TET2: variants seen among roughly 807,000 people sequenced by gnomAD.
TET2 encodes the protein tet methylcytosine dioxygenase 2, also known as methylcytosine dioxygenase TET2.
A neutral mutation model predicts 142.9 loss-of-function variants in TET2; 299 were observed. The ratio of observed to expected loss-of-function variants is 2.09; its 90% CI spans 1.90 to 2.30. The LOEUF is 2.30. Ranked by LOEUF, TET2 falls within the 30% of genes most tolerant of loss-of-function variation. TET2 has a pLI of 0.00. For missense variants in TET2, 2,418 were observed against 2,378.0 expected, an observed-to-expected ratio of 1.02 and a Z score of -0.35; for synonymous variants, 819 against 849.0, an observed-to-expected ratio of 0.96 and a Z score of 0.61.
intron 2 of TET2, among the ~76,000 whole-genome samples, chr4:105,230,485 G>A (rs1391439): frequency 0.49 from 74,278 of 152,040 alleles, 19,474 homozygotes; most frequent in Non-Finnish European, 0.61. Context: ...CCACATGCTT[G>A]CCAAACATAG....
intron 2 of TET2, among the ~76,000 whole-genome samples, chr4:105,218,908 A>G (rs1161993105): frequency 6.6e-6 from 1 of 152,008 alleles, no homozygotes; most frequent in African/African-American, 2.4e-5. Context: ...AAAACATGCT[A>G]TATAATTTTA....
At chr4:105,242,521 G>A (rs1578689914) in intron 4 of TET2, 2 of 1,140,128 alleles carry the variant, frequency 1.8e-6, no homozygotes, top group South Asian at 7.6e-5. Context: ...TTAGAAGACT[G>A]AACTTAGCAA....
At chr4:105,272,541 G>A in intron 9 of TET2, 23 bp from the exon 10 acceptor site, 2 of 1,446,616 alleles carry the variant, frequency 1.4e-6, no homozygotes, top group East Asian at 2.5e-5. Flanking sequence ...AGTTGAGGCT[G>A]TAATGTCTTA....
At chr4:105,232,398 C>T (rs1463557726) in intron 2 of TET2, among the ~76,000 whole-genome samples, 1 of 152,154 alleles carries the variant, frequency 6.6e-6, no homozygotes, top group East Asian at 1.9e-4. Flanking sequence ...TGGGATTGCT[C>T]GGTCAGATGG....
intron 6 of TET2, among the ~76,000 whole-genome samples, chr4:105,256,569 T>C (rs905485466): frequency 1.3e-5 from 2 of 152,196 alleles, no homozygotes; most frequent in Non-Finnish European, 2.9e-5. Context: ...TTTATATGTA[T>C]GCATATCTTT....
At position 105,275,325 on chromosome 4, in the gene TET2, A is replaced by G; in HGVS notation, c.4815A>G (p.Ala1605=). 1.3e-6 allele frequency: 2 copies of G among 1,551,922 alleles called. No individual in the cohort carries two copies. Among genetic ancestry groups the G allele is most frequent in the African/African-American group, 1.4e-5 (1 of 73,176 alleles). ...MNFYSTSSQA[A]GSYLNSSNPM... The stretch of plus-strand genomic sequence containing the variant: ...TCTATTCCACCTCATCTCAAGCTGC[A>G]GGTTCATATTTGAATTCTTCTAATC... Residue 1605 remains alanine (A), a synonymous_variant, in exon 11 of 11, where the codon GCA becomes GCG. Coordinates refer to ENST00000380013, the MANE Select transcript of TET2 (RefSeq NM_001127208.3).
At chr4:105,229,880 A>G (rs1201505431) in intron 2 of TET2, among the ~76,000 whole-genome samples, 1 of 152,034 alleles carries the variant, frequency 6.6e-6, no homozygotes, top group Non-Finnish European at 1.5e-5. Context: ...ATCTGAAAAT[A>G]TAGAGATACT....
intron 4 of TET2, chr4:105,242,430 G>T (rs1186097032): frequency 1.8e-6 from 2 of 1,087,612 alleles, no homozygotes; most frequent in East Asian, 1.0e-4. Context: ...ATTCTTGGAG[G>T]AACAGTTCTA....
At chr4:105,195,338 CAG>C (rs1726021204) in intron 2 of TET2, among the ~76,000 whole-genome samples, 1 of 152,030 alleles carries the variant, frequency 6.6e-6, no homozygotes, top group Non-Finnish European at 1.5e-5. Flanking sequence ...TTAATCTGAC[CAG>C]ACATTTTTCT....
chr4:105,229,257 G>A (rs1171175517), intron 2 of TET2, among the ~76,000 whole-genome samples: 1 of 152,188 alleles, frequency 6.6e-6, no homozygotes, highest in Admixed American at 6.5e-5. Flanking sequence ...TGTATGGAAG[G>A]AAGTAAATCT....
chr4:105,219,561 G>T (rs1244910120), intron 2 of TET2, among the ~76,000 whole-genome samples: 1 of 152,054 alleles, frequency 6.6e-6, no homozygotes. Flanking sequence ...CATTAATATT[G>T]TAGAGTCCCC....
intron 2 of TET2, among the ~76,000 whole-genome samples, chr4:105,198,575 G>A (rs768839838): frequency 6.6e-6 from 1 of 152,142 alleles, no homozygotes; most frequent in Non-Finnish European, 1.5e-5. Flanking sequence ...GGAGAAAGAA[G>A]CAGTAGCCAG....
At chr4:105,146,407 C>T (rs1723017156), upstream of TET2, 1 of 152,536 alleles carries the variant, frequency 6.6e-6, no homozygotes, top group Non-Finnish European at 1.5e-5. Flanking sequence ...CACCCTTCCC[C>T]GCGCTCGCCA....
At chr4:105,196,214 C>T (rs1385667611) in intron 2 of TET2, among the ~76,000 whole-genome samples, 2 of 150,062 alleles carry the variant, frequency 1.3e-5, no homozygotes, top group Non-Finnish European at 3.0e-5. Context: ...TATGCCCATT[C>T]TTAAGTGCAA....
At chr4:105,241,271 T>C (rs34841746) in intron 3 of TET2, 68 bp from the exon 4 acceptor site, 1 of 1,461,234 alleles carries the variant, frequency 6.8e-7, no homozygotes, top group Non-Finnish European at 9.0e-7. Context: ...GGGTTAAGCT[T>C]TGTGGATGTA....
In TET2 at chr4:105,149,071, A is replaced by AT. The variant is rs1423526780; in HGVS notation, c.-193+2096dup. The stretch of plus-strand genomic sequence containing the variant: ...CCCTAAAATTAAAACAAAAATTAGG[A>AT]TTTTACCATTAATGCTGTTCATGGT... On this transcript the variant is annotated intron_variant, in intron 1 of 10. Coordinates refer to ENST00000380013, the MANE Select transcript of TET2 (RefSeq NM_001127208.3). Among the ~76,000 whole-genome samples the AT allele has an allele frequency of 3.3e-4, 50 of 152,282 alleles. 1 individual carries two copies. Among genetic ancestry groups the AT allele is most frequent in the African/African-American group, 1.2e-3 (49 of 41,550 alleles).
chr4:105,236,453 T>TA lies in TET2; in HGVS notation c.2512dup (p.Thr838AsnfsTer8). The TA allele has an allele frequency of 6.2e-7, 1 of 1,614,052 alleles. No homozygotes were observed. Among genetic ancestry groups the TA allele is most frequent in the Non-Finnish European group, 8.5e-7 (1 of 1,179,990 alleles). On this transcript the variant is annotated frameshift_variant, in exon 3 of 11. Transcript: ENST00000380013. LOFTEE classifies it high-confidence loss of function. ...AAATACAGGTTTCTTGTTCAAACAA[T>TA]ACACACCTAGTTTCAGAGAATAAAG...
In TET2 at chr4:105,276,079, C is replaced by T; in HGVS notation, c.5569C>T (p.Pro1857Ser). ...WSDSEQSFLD[P>S]DIGGVAVAPT... Reference sequence around the variant, plus strand: ...AGACAGCGAGCAGAGCTTTCTGGATCCTGACATTGGGGGAGTGGCCGTGGC... The same window carrying T: ...AGACAGCGAGCAGAGCTTTCTGGATTCTGACATTGGGGGAGTGGCCGTGGC... Residue 1857 changes from proline to serine, a missense_variant, in exon 11 of 11, where the codon CCT becomes TCT. Physicochemically the swap from Pro to Ser is moderately conservative, Grantham distance 74. Coordinates refer to ENST00000380013, the MANE Select transcript of TET2 (RefSeq NM_001127208.3). 6.4e-7 allele frequency: 1 copy of T among 1,551,648 alleles called. No homozygotes were observed. The highest frequency in any genetic ancestry group is 8.7e-7 in the Non-Finnish European group (1 of 1,146,968).
intron 7 of TET2, among the ~76,000 whole-genome samples, chr4:105,261,024 T>C (rs1730397521): frequency 6.6e-6 from 1 of 151,938 alleles, no homozygotes; most frequent in Non-Finnish European, 1.5e-5. Flanking sequence ...AGAAACCTCC[T>C]CACCTTCTAA....
Sources: gnomAD v4.1 joint callset for allele counts (sites outside exome capture counted in the v4.1 genomes callset) on GRCh38, gnomAD v4.1.1 for gene constraint, MANE v1.5 for transcripts, NCBI Gene and HGNC (gene_info 2026-07-23, HGNC 2026-07-21) for gene names.